GLIS3: variants seen among roughly 807,000 people sequenced by gnomAD.
GLIS3 encodes the protein GLIS family zinc finger 3.
Under a neutral mutation model 78.6 loss-of-function variants are expected in GLIS3, and 53 were observed. The ratio of observed to expected loss-of-function variants is 0.67; its 90% CI spans 0.54 to 0.85. GLIS3 has a LOEUF of 0.85. GLIS3 is among the 40% of genes least tolerant of loss of function. The pLI, the probability that GLIS3 is intolerant of heterozygous loss-of-function variation, is 0.00. For missense variants in GLIS3, 1,703 were observed against 1,231.1 expected, an observed-to-expected ratio of 1.38 and a Z score of -5.74; for synonymous variants, 684 against 509.9, an observed-to-expected ratio of 1.34 and a Z score of -4.60.
chr9:4,370,321 C>G, the GLIS3 span, among the ~76,000 whole-genome samples: 1 of 152,158 alleles, frequency 6.6e-6, no homozygotes. Flanking sequence ...ATCACTTCCT[C>G]AGACTCCTCC....
chr9:4,308,812 G>A (rs926282089), exon 4 of GLIS3: 1 of 152,196 alleles, frequency 6.6e-6, no homozygotes, highest in African/African-American at 2.4e-5. Flanking sequence ...CAAAGCCCTT[G>A]TCTAGGTCTC....
In GLIS3 at chr9:4,250,229, G is replaced by A. The variant is rs559069192; in HGVS notation, c.388+35809C>T. On this transcript the variant is annotated intron_variant, in intron 2 of 10. Coordinates refer to ENST00000381971, the MANE Select transcript of GLIS3 (RefSeq NM_001042413.2). ...TTCTTTGTACCTCTGGTAAAATTCG[G>A]CTGTGAATCCATCTGGTCCTGGGCT... Among the ~76,000 whole-genome samples, 130 of 152,286 alleles carry A rather than the reference G, an allele frequency of 8.5e-4. 1 individual carries two copies. Among genetic ancestry groups the A allele is most frequent in the African/African-American group, 2.3e-3 (97 of 41,564 alleles).
chr9:3,879,652 T>A, intron 7 of GLIS3, 57 bp from the exon 8 acceptor site: 4 of 1,585,604 alleles, frequency 2.5e-6, no homozygotes, highest in Non-Finnish European at 3.5e-6. Context: ...CCACGTTTTT[T>A]AAATACCGAA....
chr9:4,469,771 G>A, the GLIS3 span, among the ~76,000 whole-genome samples: 4 of 152,006 alleles, frequency 2.6e-5, no homozygotes, highest in Non-Finnish European at 5.9e-5. Flanking sequence ...CAGAAAGCAA[G>A]AAATAACTAA....
the GLIS3 span, among the ~76,000 whole-genome samples, chr9:4,422,557 A>C: frequency 1.3e-5 from 2 of 152,192 alleles, no homozygotes; most frequent in Non-Finnish European, 1.5e-5. Context: ...CAACCAGTCC[A>C]TAAAAAATAT....
At chr9:4,238,232 G>T (rs749986700) in intron 2 of GLIS3, among the ~76,000 whole-genome samples, 13 of 152,124 alleles carry the variant, frequency 8.5e-5, no homozygotes, top group Non-Finnish European at 1.6e-4. Flanking sequence ...CTAAAAGGAA[G>T]GCCAAAAGGA....
At chr9:4,076,866 G>A (rs141379474) in intron 4 of GLIS3, among the ~76,000 whole-genome samples, 7 of 152,240 alleles carry the variant, frequency 4.6e-5, no homozygotes, top group Non-Finnish European at 7.4e-5. Context: ...AGACGAGCTT[G>A]GGCAACATGG....
chr9:4,270,079 A>T (rs1335158451), intron 2 of GLIS3, among the ~76,000 whole-genome samples: 1 of 152,194 alleles, frequency 6.6e-6, no homozygotes, highest in Non-Finnish European at 1.5e-5. Context: ...GACACCTCTT[A>T]TCAGCCATGT....
the GLIS3 span, among the ~76,000 whole-genome samples, chr9:4,484,717 T>C: frequency 4.6e-5 from 7 of 151,860 alleles, no homozygotes; most frequent in Non-Finnish European, 8.8e-5. Context: ...GTGCCCAGTG[T>C]AGGCCAAACT....
intron 4 of GLIS3, among the ~76,000 whole-genome samples, chr9:4,016,618 T>C (rs1386063205): frequency 1.3e-5 from 2 of 152,168 alleles, no homozygotes; most frequent in African/African-American, 2.4e-5. Flanking sequence ...TTGCAATAAC[T>C]GCCTTTGCCC....
At chr9:4,248,113 A>C (rs1823978876) in intron 2 of GLIS3, among the ~76,000 whole-genome samples, 1 of 152,102 alleles carries the variant, frequency 6.6e-6, no homozygotes, top group Non-Finnish European at 1.5e-5. Flanking sequence ...TTATACTTTA[A>C]GTTCTGGGAT....
chr9:3,976,217 AT>A (rs554407323), intron 4 of GLIS3, among the ~76,000 whole-genome samples: 1,910 of 150,774 alleles, frequency 0.013, 11 homozygotes, highest in Non-Finnish European at 0.019. Context: ...CAACATGTGA[AT>A]TTTTTTTTTC....
the GLIS3 span, among the ~76,000 whole-genome samples, chr9:4,454,580 G>C: frequency 6.6e-6 from 1 of 152,114 alleles, no homozygotes; most frequent in African/African-American, 2.4e-5. Flanking sequence ...GTAAATCTAG[G>C]AGATACTAGT....
intron 8 of GLIS3, among the ~76,000 whole-genome samples, chr9:3,876,693 G>GGAAGGGA (rs1554636774): frequency 0.022 from 10 of 464 alleles, 4 homozygotes; most frequent in Non-Finnish European, 0.024. Context: ...AAGGGAGGGA[G>GGAAGGGA]GGGAGGGAGG....
chr9:4,430,439 A>C, the GLIS3 span, among the ~76,000 whole-genome samples: 18 of 152,370 alleles, frequency 1.2e-4, no homozygotes, highest in Non-Finnish European at 2.1e-4. Context: ...GAGAAGCTGC[A>C]CTGTTGCCAG....
At chr9:4,262,440 A>T (rs1825616544) in intron 2 of GLIS3, among the ~76,000 whole-genome samples, 1 of 152,108 alleles carries the variant, frequency 6.6e-6, no homozygotes, top group African/African-American at 2.4e-5. Context: ...CAAGAGGCTA[A>T]ATCGGAGGTT....
chr9:4,270,107 C>T (rs535779645), intron 2 of GLIS3, among the ~76,000 whole-genome samples: 20 of 152,342 alleles, frequency 1.3e-4, no homozygotes, highest in Admixed American at 1.3e-4. Flanking sequence ...AACAATTTCA[C>T]TTCTCTGAAT....
rs1268596584 is a variant in GLIS3, at chr9:3,829,801, T to A, written c.2474-309A>T. Among the ~76,000 whole-genome samples, 5 of 152,208 alleles carry A rather than the reference T, an allele frequency of 3.3e-5. No individual in the cohort carries two copies. In the East Asian group the frequency reaches 9.6e-4, roughly 29 times the overall value. On this transcript the variant is annotated intron_variant, in intron 9 of 10. Transcript: ENST00000381971. ...GTCCTGGACATTCAAGGCCTGACCT[T>A]CAGGGGAGGTTCCTACCCTAGACTC...
chr9:4,438,438 A>T, the GLIS3 span, among the ~76,000 whole-genome samples: 5 of 152,298 alleles, frequency 3.3e-5, no homozygotes, highest in Admixed American at 6.5e-5. Context: ...CCACCCCGTG[A>T]TTATTTTTCT....
Sources: allele counts gnomAD v4.1 joint callset (sites outside exome capture counted in the v4.1 genomes callset), GRCh38; gene constraint gnomAD v4.1.1; transcripts MANE v1.5; gene names NCBI Gene and HGNC (gene_info 2026-07-23, HGNC 2026-07-21).